MCM3AP: variants seen among roughly 807,000 people sequenced by gnomAD.
MCM3AP encodes germinal-center associated nuclear protein.
A neutral mutation model predicts 184.1 loss-of-function variants in MCM3AP; 126 were observed. The ratio of observed to expected loss-of-function variants is 0.68; its 90% CI spans 0.59 to 0.79. The LOEUF (loss-of-function observed/expected upper bound fraction) is 0.79. MCM3AP is among the 30% of genes least tolerant of loss of function. The pLI, the probability that MCM3AP is intolerant of heterozygous loss-of-function variation, is 0.00. For synonymous variants in MCM3AP, 1,002 were observed against 979.3 expected (o/e 1.02, Z -0.43); for missense variants, 2,496 against 2,479.2 (o/e 1.01, Z -0.14).
intron 27 of MCM3AP, 126 bp from the exon 28 acceptor site, chr21:46,235,552 G>A (rs1016266216): frequency 5.3e-6 from 4 of 756,450 alleles, no homozygotes; most frequent in Admixed American, 2.7e-5. Context: ...TTTTACAGAG[G>A]GAAAAAAATT....
Position 46,283,613 on chromosome 21 carries a change from A to C in MCM3AP, c.1443+2T>G. On this transcript the variant is annotated splice_donor_variant, in intron 2 of 27. Coordinates refer to ENST00000291688, the MANE Select transcript of MCM3AP (RefSeq NM_003906.5). LOFTEE classifies it high-confidence loss of function. The stretch of plus-strand genomic sequence containing the variant: ...AACAAATGGCAAGATGGGAGTACTC[A>C]CATGATCAAAGAAATGTACCACTGC... 6.2e-7 allele frequency: 1 copy of C among 1,606,090 alleles called. No individual in the cohort carries two copies. The highest frequency in any genetic ancestry group is 1.3e-5 in the African/African-American group (1 of 74,806).
chr21:46,282,329 A>T (rs1018922466), intron 2 of MCM3AP, among the ~76,000 whole-genome samples: 10 of 152,210 alleles, frequency 6.6e-5, no homozygotes, highest in African/African-American at 2.4e-4. Flanking sequence ...CGCGTCTGCC[A>T]ACAGACGAAT....
At chr21:46,279,969 G>A (rs1253058352) in intron 4 of MCM3AP, 24 bp downstream of exon 4, 1 of 1,596,714 alleles carries the variant, frequency 6.3e-7, no homozygotes, top group African/African-American at 1.4e-5. Flanking sequence ...CCGGAATAAG[G>A]TCATTAGGAG....
chr21:46,254,913 G>T, intron 17 of MCM3AP, 69 bp from the exon 18 acceptor site: 1 of 1,140,918 alleles, frequency 8.8e-7, no homozygotes, highest in Non-Finnish European at 1.3e-6. Flanking sequence ...AGTGTCCCCT[G>T]GGGAATACTC....
chr21:46,275,390 T>G lies in MCM3AP; in HGVS notation c.1859-65A>C, dbSNP rs796800437. ...GTTAGCACGAACCTACAGAAGTGTA[T>G]TCTCATAATGATAAAAAGAAATTAA... On this transcript the variant is annotated intron_variant, in intron 5 of 27. Transcript: ENST00000291688. 16 of 1,350,584 alleles carry G rather than the reference T, an allele frequency of 1.2e-5. No homozygotes were observed. In the South Asian group the frequency reaches 2.2e-4, roughly 19 times the overall value. The allele number at this position is 1,350,584 out of a possible 1,614,324, so 83.7% of individuals were successfully genotyped here. A position where few individuals can be genotyped will look rare whatever the true frequency, so the allele number is the denominator to read the frequency against.
In MCM3AP at chr21:46,277,701, GCTT is replaced by G. The variant is rs1488961809; in HGVS notation, c.1681_1683del (p.Lys561del). On this transcript the variant is annotated inframe_deletion, in exon 5 of 28. Transcript: ENST00000291688. Reference sequence around the variant, plus strand: ...AATTGGTGGGCCTTTAGAAGACTTGGCTTCTTCACTGGAGAGCTATAAAGTAAA... The same window carrying G: ...AATTGGTGGGCCTTTAGAAGACTTGGCTTCACTGGAGAGCTATAAAGTAAA... The G allele has an allele frequency of 6.3e-7, 1 of 1,590,040 alleles. No individual in the cohort carries two copies. Among genetic ancestry groups the G allele is most frequent in the East Asian group, 2.3e-5 (1 of 43,714 alleles).
In MCM3AP at chr21:46,272,762, T is replaced by C; in HGVS notation, c.2264A>G (p.His755Arg). The C allele has an allele frequency of 6.2e-7, 1 of 1,613,804 alleles. No individual in the cohort carries two copies. Among genetic ancestry groups the C allele is most frequent in the Non-Finnish European group, 8.5e-7 (1 of 1,179,776 alleles). Reference protein sequence around the residue: ...VSLIEKCTRFHIHCAHFMCEE... With the variant: ...VSLIEKCTRFRIHCAHFMCEE... Reference sequence around the variant, plus strand: ...ACACATGAAGTGGGCACAGTGGATGTGAAACCGGGTGCACTTCTCAATCAG... The same window carrying C: ...ACACATGAAGTGGGCACAGTGGATGCGAAACCGGGTGCACTTCTCAATCAG... Residue 755 changes from histidine to arginine, a missense_variant, in exon 8 of 28, where the codon CAC (histidine) becomes CGC (arginine). This residue lies in a region of MCM3AP where 105 missense variants were observed against 97.1 expected (regional missense o/e 1.08). Transcript: ENST00000291688.
At position 46,251,688 on chromosome 21, in the gene MCM3AP, G is replaced by A; in HGVS notation, c.4137-6C>T. ...TTAACCAATTTGCTAGAATTCTACA[G>A]ATTTAAAAAAAACAAAAAACAAAAA... On this transcript the variant is annotated splice_polypyrimidine_tract_variant and splice_region_variant and intron_variant, in intron 19 of 27. Coordinates refer to ENST00000291688, the MANE Select transcript of MCM3AP (RefSeq NM_003906.5). 6.5e-7 allele frequency: 1 copy of A among 1,539,294 alleles called. No homozygotes were observed. Among genetic ancestry groups the A allele is most frequent in the Non-Finnish European group, 8.8e-7 (1 of 1,133,274 alleles).
Position 46,258,932 on chromosome 21 carries a change from G to GACTC in MCM3AP, c.3734+3_3734+6dup, listed in dbSNP as rs1569065445. ...GTGGATTTTGCCTGTAGGAACACAG[G>GACTC]ACTCACCGCTGTAGATACTTGCAGA... On this transcript the variant is annotated splice_region_variant and intron_variant, in intron 16 of 27. Coordinates refer to ENST00000291688, the MANE Select transcript of MCM3AP (RefSeq NM_003906.5). 1.9e-6 allele frequency: 3 copies of GACTC among 1,613,984 alleles called. No individual in the cohort carries two copies. In the East Asian group the frequency reaches 6.7e-5, roughly 36 times the overall value.
intron 4 of MCM3AP, 42 bp from the exon 5 acceptor site, chr21:46,277,759 G>A: frequency 7.8e-7 from 1 of 1,288,398 alleles, no homozygotes; most frequent in Non-Finnish European, 1.1e-6. Context: ...GTCCCAGGAA[G>A]GCCTTCAGAG....
intron 20 of MCM3AP, chr21:46,249,619 A>G: frequency 2.2e-6 from 1 of 453,136 alleles, no homozygotes; most frequent in Non-Finnish European, 4.4e-6. Context: ...TCATTTTCAT[A>G]ATGGAAAAGA....
intron 23 of MCM3AP, 119 bp from the exon 24 acceptor site, chr21:46,243,841 A>T: frequency 1.0e-6 from 1 of 1,001,550 alleles, no homozygotes; most frequent in Non-Finnish European, 1.4e-6. Context: ...TTCTAAACAC[A>T]GCAGAACCAC....
At position 46,272,732 on chromosome 21, in the gene MCM3AP, T is replaced by G; in HGVS notation, c.2294A>C (p.Glu765Ala). ...CTTGGCATCAAAGGAGGACATGGGCTCCTCACACATGAAGTGGGCACAGTG... is the reference window on the plus strand; with the variant it reads ...CTTGGCATCAAAGGAGGACATGGGCGCCTCACACATGAAGTGGGCACAGTG... ...HIHCAHFMCE[E>A]PMSSFDAKIN... Residue 765 changes from glutamate to alanine, a missense_variant, in exon 8 of 28, where the codon GAG becomes GCG. Transcript: ENST00000291688. 6.2e-7 allele frequency: 1 copy of G among 1,614,146 alleles called. No individual in the cohort carries two copies. Among genetic ancestry groups the G allele is most frequent in the Non-Finnish European group, 8.5e-7 (1 of 1,180,020 alleles).
chr21:46,243,313 T>C (rs762770184), intron 24 of MCM3AP, 152 bp downstream of exon 24: 1 of 954,640 alleles, frequency 1.0e-6, no homozygotes, highest in Non-Finnish European at 1.6e-6. Context: ...TCAATGTTTT[T>C]AAGTCACTCA....
At chr21:46,242,761 A>G in intron 25 of MCM3AP, 41 bp downstream of exon 25, 1 of 1,570,002 alleles carries the variant, frequency 6.4e-7, no homozygotes, top group Non-Finnish European at 8.6e-7. Context: ...AGAAAAATAC[A>G]GTTTAGCAAG....
chr21:46,267,222 T>C (rs1215610154), intron 9 of MCM3AP, 80 bp from the exon 10 acceptor site: 1 of 1,392,322 alleles, frequency 7.2e-7, no homozygotes, highest in African/African-American at 1.4e-5. Context: ...ACCACAGCCA[T>C]GGCCAGCGTG....
intron 11 of MCM3AP, 141 bp downstream of exon 11, chr21:46,265,784 A>G: frequency 1.8e-6 from 2 of 1,088,088 alleles, no homozygotes; most frequent in Non-Finnish European, 1.3e-6. Context: ...GAAGAGCCAC[A>G]CCCCTGGGCC....
intron 9 of MCM3AP, 82 bp from the exon 10 acceptor site, chr21:46,267,224 G>T: frequency 7.3e-7 from 1 of 1,366,570 alleles, no homozygotes. Flanking sequence ...CACAGCCATG[G>T]CCAGCGTGGG....
At chr21:46,258,574 G>T (rs2080990879) in intron 16 of MCM3AP, among the ~76,000 whole-genome samples, 2 of 152,040 alleles carry the variant, frequency 1.3e-5, no homozygotes, top group South Asian at 4.1e-4. Flanking sequence ...TATATTTTGA[G>T]AATTCACCCT....
Sources: allele counts gnomAD v4.1 joint callset (sites outside exome capture counted in the v4.1 genomes callset), GRCh38; gene constraint gnomAD v4.1.1; regional missense constraint gnomAD v4.1.1; transcripts MANE v1.5; gene names NCBI Gene and HGNC (gene_info 2026-07-23, HGNC 2026-07-21).